EPHX2: variants seen among roughly 807,000 people sequenced by gnomAD.
EPHX2 encodes the protein epoxide hydrolase 2.
A neutral mutation model predicts 78.7 loss-of-function variants in EPHX2; 74 were observed. That is an observed-to-expected ratio of 0.94 (90% CI 0.78 to 1.14). The LOEUF is 1.14. EPHX2 is among the 50% of genes most tolerant of loss of function. The pLI is 0.00. For missense variants in EPHX2, 715 were observed against 702.5 expected (o/e 1.02, Z -0.20); for synonymous variants, 251 against 255.2 (o/e 0.98, Z 0.16).
downstream of EPHX2, among the ~76,000 whole-genome samples, chr8:27,546,227 A>G (rs150969671): frequency 2.0e-5 from 3 of 152,080 alleles, no homozygotes; most frequent in Non-Finnish European, 2.9e-5. Flanking sequence ...TGTGACCTTG[A>G]AAAAGGATAT....
intron 5 of EPHX2, among the ~76,000 whole-genome samples, chr8:27,508,963 T>C (rs565701699): frequency 2.8e-4 from 39 of 140,338 alleles, no homozygotes; most frequent in African/African-American, 1.0e-3. Flanking sequence ...TTTTTTTTTT[T>C]TTTTTTTTTT....
intron 16 of EPHX2, 132 bp from the exon 17 acceptor site, chr8:27,543,617 A>C: frequency 1.3e-6 from 1 of 799,948 alleles, no homozygotes. Context: ...AATAACCACG[A>C]GTCTGTTGTG....
chr8:27,506,649 C>G (rs528023630), intron 4 of EPHX2, among the ~76,000 whole-genome samples: 1 of 152,346 alleles, frequency 6.6e-6, no homozygotes, highest in South Asian at 2.1e-4. Flanking sequence ...TGTATCCTCT[C>G]CTAACCCTCT....
chr8:27,500,946 T>C lies in EPHX2; in HGVS notation c.122T>C (p.Phe41Ser). ...TCCAGAGGACTTCTGAATGATGCTT[T>C]CCAGAAAGGGGGACCAGAGGGTGCC... ...ALPRGLLNDA[F>S]QKGGPEGATT... The change falls in exon 2 of 19, where the codon TTC (phenylalanine) becomes TCC (serine). Residue 41 changes from phenylalanine to serine, a missense_variant. Transcript: ENST00000521400. 1.2e-6 allele frequency: 2 copies of C among 1,613,382 alleles called. No individual in the cohort carries two copies. The highest frequency in any genetic ancestry group is 1.7e-6 in the Non-Finnish European group (2 of 1,179,690).
At chr8:27,546,501 G>T (rs889868974), downstream of EPHX2, among the ~76,000 whole-genome samples, 5 of 152,186 alleles carry the variant, frequency 3.3e-5, no homozygotes, top group African/African-American at 1.2e-4. Context: ...CAATCATGAG[G>T]ACTGGGGGAA....
rs184860606 is a variant in EPHX2, at chr8:27,530,348, G to A, written c.1170+4875G>A. ...TTAAAAAAGTCCTGTGTTGTGTAAAGTAAAAAGCTGAATCGCCCTTTGCCC... is the reference window on the plus strand; with the variant it reads ...TTAAAAAAGTCCTGTGTTGTGTAAAATAAAAAGCTGAATCGCCCTTTGCCC... On this transcript the variant is annotated intron_variant, in intron 12 of 18. Coordinates refer to ENST00000521400, the MANE Select transcript of EPHX2 (RefSeq NM_001979.6). Among the ~76,000 whole-genome samples, 30 of 152,280 alleles carry A rather than the reference G, an allele frequency of 2.0e-4. No individual in the cohort carries two copies. The East Asian group carries it at 5.6e-3, about 28-fold the overall frequency.
chr8:27,546,781 G>T (rs1400970272), downstream of EPHX2, among the ~76,000 whole-genome samples: 2 of 152,146 alleles, frequency 1.3e-5, no homozygotes, highest in African/African-American at 2.4e-5. Context: ...AATATAACTG[G>T]TTATACAAGA....
rs542950162 is a variant in EPHX2, at chr8:27,498,219, C to G, written c.102-2707C>G. ...CCAGGTTGGGCCAAATTCCCCTCCC[C>G]CTACAGCTTGAAGGGGACATAACCG... On this transcript the variant is annotated intron_variant, in intron 1 of 18. Coordinates refer to ENST00000521400, the MANE Select transcript of EPHX2 (RefSeq NM_001979.6). Among the ~76,000 whole-genome samples, 21 of 152,302 alleles carry G rather than the reference C, an allele frequency of 1.4e-4. 1 individual carries two copies. Among genetic ancestry groups the G allele is most frequent in the African/African-American group, 5.1e-4 (21 of 41,572 alleles).
chr8:27,502,880 C>T (rs1445663871), intron 2 of EPHX2, among the ~76,000 whole-genome samples: 1 of 152,328 alleles, frequency 6.6e-6, no homozygotes, highest in East Asian at 1.9e-4. Flanking sequence ...GACTTCAACA[C>T]AGGAATTTTG....
In EPHX2 at chr8:27,530,778, T is replaced by G. The variant is rs932687818; in HGVS notation, c.1170+5305T>G. ...AATTTTTTTCTTTTTTTTTTTTTTT[T>G]TTGAGATGGAGTTTCGCTCTTGTTC... On this transcript the variant is annotated intron_variant, in intron 12 of 18. Transcript: ENST00000521400. 2.0e-5 allele frequency among the ~76,000 whole-genome samples: 3 copies of G among 151,198 alleles called. No individual in the cohort carries two copies. In the East Asian group the frequency reaches 5.8e-4, roughly 29 times the overall value.
rs561655751 is a variant in EPHX2 at position 27,517,626 on chromosome 8, C to T, written c.911-412C>T. 3.9e-5 allele frequency among the ~76,000 whole-genome samples: 6 copies of T among 152,298 alleles called. No individual in the cohort carries two copies. In the East Asian group the frequency reaches 9.6e-4, roughly 24 times the overall value. Reference sequence around the variant, plus strand: ...GTCAACTGATCTTTGACAAGGGTATCAAGAATACACAGTGGAGAAAGGACA... The same window carrying T: ...GTCAACTGATCTTTGACAAGGGTATTAAGAATACACAGTGGAGAAAGGACA... On this transcript the variant is annotated intron_variant, in intron 8 of 18. Coordinates refer to ENST00000521400, the MANE Select transcript of EPHX2 (RefSeq NM_001979.6).
At chr8:27,534,464 A>G (rs1463445891) in intron 12 of EPHX2, among the ~76,000 whole-genome samples, 1 of 152,132 alleles carries the variant, frequency 6.6e-6, no homozygotes, top group African/African-American at 2.4e-5. Flanking sequence ...TAGCCCGACC[A>G]ACATGATGAA....
intron 5 of EPHX2, among the ~76,000 whole-genome samples, chr8:27,510,730 G>T (rs955832062): frequency 5.3e-5 from 8 of 152,086 alleles, no homozygotes; most frequent in African/African-American, 1.7e-4. Flanking sequence ...AAGGTGGGAG[G>T]ATCACTTGAG....
Position 27,540,552 on chromosome 8 carries a change from A to C in EPHX2, c.1277-2A>C, listed in dbSNP as rs73558122. ...AAAGTCAACAAGTGGCTTTTTTTGC[A>C]GGAGGACTTTTTGTAAATAGCCCAG... On this transcript the variant is annotated splice_acceptor_variant, in intron 14 of 18. Transcript: ENST00000521400. LOFTEE classifies it high-confidence loss of function. The C allele has an allele frequency of 6.2e-7, 1 of 1,613,846 alleles. No homozygotes were observed. Among genetic ancestry groups the C allele is most frequent in the Non-Finnish European group, 8.5e-7 (1 of 1,179,910 alleles).
At chr8:27,495,754 C>G (rs947379846) in intron 1 of EPHX2, among the ~76,000 whole-genome samples, 2 of 152,236 alleles carry the variant, frequency 1.3e-5, no homozygotes, top group African/African-American at 4.8e-5. Flanking sequence ...AGTTTCCTTA[C>G]TTAGGTATGC....
chr8:27,494,034 A>G (rs1191648239), intron 1 of EPHX2, among the ~76,000 whole-genome samples: 2 of 152,104 alleles, frequency 1.3e-5, no homozygotes, highest in African/African-American at 4.8e-5. Context: ...TCATGCAGGG[A>G]GTATGTTTGC....
chr8:27,501,916 A>G (rs1225222565), intron 2 of EPHX2, among the ~76,000 whole-genome samples: 1 of 152,146 alleles, frequency 6.6e-6, no homozygotes, highest in East Asian at 1.9e-4. Flanking sequence ...TAAAAAAAAA[A>G]GTCTTATCTT....
In EPHX2 at chr8:27,538,692, G is replaced by A; in HGVS notation, c.1276G>A (p.Gly426Arg). 6.2e-7 allele frequency: 1 copy of A among 1,613,822 alleles called. No homozygotes were observed. The highest frequency in any genetic ancestry group is 8.5e-7 in the Non-Finnish European group (1 of 1,179,726). Reference sequence around the variant, plus strand: ...ATCCATGCATAAAGTCTGTGAAGCGGGTAAGAGACATGCTTGGGAGAGCCA... The same window carrying A: ...ATCCATGCATAAAGTCTGTGAAGCGAGTAAGAGACATGCTTGGGAGAGCCA... The part of the protein sequence containing the change: ...VLSMHKVCEA[G>R]GLFVNSPEEP... The change falls in exon 14 of 19, where the codon GGA (glycine) becomes AGA (arginine). Residue 426 changes from glycine to arginine, a missense_variant and splice_region_variant. Gly to Arg is a moderately radical substitution (Grantham distance 125). Coordinates refer to ENST00000521400, the MANE Select transcript of EPHX2 (RefSeq NM_001979.6).
chr8:27,528,464 A>T (rs1814921728), intron 12 of EPHX2, among the ~76,000 whole-genome samples: 2 of 152,186 alleles, frequency 1.3e-5, no homozygotes, highest in South Asian at 4.1e-4. Flanking sequence ...AGGAACAAGT[A>T]GGCAAAGGCA....
Sources: allele counts gnomAD v4.1 joint callset (sites outside exome capture counted in the v4.1 genomes callset), GRCh38; gene constraint gnomAD v4.1.1; transcripts MANE v1.5; gene names NCBI Gene and HGNC (gene_info 2026-07-23, HGNC 2026-07-21).